NME7: variants seen among roughly 807,000 people sequenced by gnomAD.
NME7 encodes the protein NME/NM23 family member 7, also known as nucleoside diphosphate kinase 7.
NME7 carries 41 observed loss-of-function variants against 49.1 expected under a neutral mutation model. The observed-to-expected ratio is 0.83, with a 90% CI of 0.65 to 1.08. The LOEUF (loss-of-function observed/expected upper bound fraction) is 1.08, where lower values mean the gene tolerates loss of function less well. NME7 is among the 50% of genes least tolerant of loss of function. NME7 has a pLI of 0.00. For missense variants in NME7, 423 were observed against 463.4 expected (o/e 0.91, Z 0.80); for synonymous variants, 139 against 150.6 (o/e 0.92, Z 0.56).
intron 7 of NME7, among the ~76,000 whole-genome samples, chr1:169,249,938 T>C (rs1384942683): frequency 1.3e-5 from 2 of 152,052 alleles, no homozygotes; most frequent in Non-Finnish European, 2.9e-5. Context: ...TAGTTTTCTT[T>C]TTTTCTTATG....
intron 10 of NME7, among the ~76,000 whole-genome samples, chr1:169,184,558 T>G (rs1411351346): frequency 6.6e-6 from 1 of 152,182 alleles, no homozygotes; most frequent in Non-Finnish European, 1.5e-5. Flanking sequence ...TCAGGCTACA[T>G]AATATAGGGC....
chr1:169,179,432 G>A (rs1046449689), intron 10 of NME7, among the ~76,000 whole-genome samples: 3 of 152,078 alleles, frequency 2.0e-5, no homozygotes, highest in Non-Finnish European at 2.9e-5. Context: ...CAGAAATACC[G>A]TTTGACCCAG....
intron 1 of NME7, among the ~76,000 whole-genome samples, chr1:169,365,520 G>A (rs757179472): frequency 1.2e-4 from 19 of 152,160 alleles, no homozygotes; most frequent in Non-Finnish European, 2.4e-4. Flanking sequence ...AAGTTGCTTG[G>A]TATGTTCAAT....
intron 7 of NME7, among the ~76,000 whole-genome samples, chr1:169,243,292 T>G (rs1571319817): frequency 6.6e-6 from 1 of 152,150 alleles, no homozygotes; most frequent in Non-Finnish European, 1.5e-5. Context: ...ATTAGAGAGA[T>G]AACTTTTCAA....
intron 1 of NME7, among the ~76,000 whole-genome samples, chr1:169,330,448 G>A (rs770567964): frequency 7.2e-5 from 11 of 152,116 alleles, no homozygotes; most frequent in Non-Finnish European, 1.3e-4. Flanking sequence ...GGGAGGTTGA[G>A]GCAAAAGGAT....
chr1:169,336,005 T>C (rs905152298), intron 1 of NME7, among the ~76,000 whole-genome samples: 1 of 151,836 alleles, frequency 6.6e-6, no homozygotes, highest in Non-Finnish European at 1.5e-5. Context: ...TCGCAGTGAG[T>C]GTTACAGCTC....
chr1:169,360,158 C>T (rs552916669), intron 1 of NME7, among the ~76,000 whole-genome samples: 6 of 152,238 alleles, frequency 3.9e-5, no homozygotes, highest in Non-Finnish European at 7.4e-5. Context: ...TAATGCATAC[C>T]CATCTGGAAT....
At chr1:169,146,582 T>C (rs1242622673) in intron 11 of NME7, among the ~76,000 whole-genome samples, 1 of 152,188 alleles carries the variant, frequency 6.6e-6, no homozygotes, top group Non-Finnish European at 1.5e-5. Context: ...ATATCATCTT[T>C]GAATATATTT....
intron 10 of NME7, among the ~76,000 whole-genome samples, chr1:169,185,566 T>G (rs1342463803): frequency 1.3e-5 from 2 of 152,172 alleles, no homozygotes; most frequent in African/African-American, 4.8e-5. Context: ...TCTTTTCTGG[T>G]CAATGAAACT....
At chr1:169,172,688 A>C (rs944040820) in intron 10 of NME7, among the ~76,000 whole-genome samples, 2 of 152,204 alleles carry the variant, frequency 1.3e-5, no homozygotes, top group African/African-American at 4.8e-5. Flanking sequence ...CCAGTGTGGC[A>C]TTCAAGGTCC....
chr1:169,172,789 T>G (rs1476005704), intron 10 of NME7, among the ~76,000 whole-genome samples: 2 of 152,158 alleles, frequency 1.3e-5, no homozygotes, highest in African/African-American at 4.8e-5. Context: ...TAAAAGCAAA[T>G]TAAGCCTTCC....
intron 7 of NME7, among the ~76,000 whole-genome samples, chr1:169,265,587 C>T (rs1367482812): frequency 7.6e-6 from 1 of 132,062 alleles, no homozygotes; most frequent in East Asian, 2.0e-4. Flanking sequence ...GAACCAAGAA[C>T]AAACCAACCC....
intron 7 of NME7, among the ~76,000 whole-genome samples, chr1:169,278,164 C>T (rs1649826533): frequency 1.3e-5 from 2 of 150,362 alleles, no homozygotes; most frequent in Non-Finnish European, 3.0e-5. Flanking sequence ...AATTATATGT[C>T]TTGGAGTTGC....
chr1:169,220,096 T>C (rs1366685998), intron 10 of NME7, among the ~76,000 whole-genome samples: 1 of 152,160 alleles, frequency 6.6e-6, no homozygotes, highest in Non-Finnish European at 1.5e-5. Context: ...ACCTCTATAC[T>C]TTAGCTTTCA....
chr1:169,180,466 AT>A (rs1178096916), intron 10 of NME7, among the ~76,000 whole-genome samples: 1 of 152,222 alleles, frequency 6.6e-6, no homozygotes, highest in Admixed American at 6.5e-5. Flanking sequence ...AAGAAAGAGT[AT>A]ATCCAAAGAT....
At chr1:169,284,975 G>C (rs1163682764) in intron 7 of NME7, 1 of 152,058 alleles carries the variant, frequency 6.6e-6, no homozygotes, top group African/African-American at 2.4e-5. Context: ...TTTTTAAAAA[G>C]TTGATGCCTA....
At chr1:169,167,990 A>C (rs60721108) in intron 11 of NME7, among the ~76,000 whole-genome samples, 2,204 of 152,242 alleles carry the variant, frequency 0.014, 48 homozygotes, top group African/African-American at 0.048. Flanking sequence ...GTGGTTGTTA[A>C]CTGTCTCTCT....
At chr1:169,250,125 T>G (rs1269929549) in intron 7 of NME7, among the ~76,000 whole-genome samples, 1 of 152,022 alleles carries the variant, frequency 6.6e-6, no homozygotes, top group Non-Finnish European at 1.5e-5. Flanking sequence ...TCTTGGCAAT[T>G]GTTTTGATTA....
intron 9 of NME7, among the ~76,000 whole-genome samples, chr1:169,234,177 A>G (rs2300160): frequency 0.07 from 10,656 of 152,258 alleles, 1,486 homozygotes; most frequent in East Asian, 0.66. Context: ...CAAATTTTTT[A>G]AACAAAAAAA....
Sources: allele counts gnomAD v4.1 joint callset (sites outside exome capture counted in the v4.1 genomes callset), GRCh38; gene constraint gnomAD v4.1.1; transcripts MANE v1.5; gene names NCBI Gene and HGNC (gene_info 2026-07-23, HGNC 2026-07-21).